FARP1: variants seen among roughly 807,000 people sequenced by gnomAD.
FARP1 encodes FERM, ARHGEF and pleckstrin domain-containing protein 1.
FARP1 carries 52 observed loss-of-function variants against 128.8 expected under a neutral mutation model. The observed-to-expected ratio is 0.40, with a 90% CI of 0.32 to 0.51. The LOEUF (loss-of-function observed/expected upper bound fraction) is 0.51. Among genes scored for constraint, FARP1 ranks in the 20% least tolerant of loss-of-function variants. The pLI is 0.45. For synonymous variants in FARP1, 580 were observed against 551.8 expected (o/e 1.05, Z -0.72); for missense variants, 1,333 against 1,367.9 (o/e 0.97, Z 0.40).
rs78803489 is a variant in FARP1, at chr13:98,154,380, A to G, written c.-24+10888A>G. ...TAGTGGTATCTCATCATGGTTATAT[A>G]TTTTTTTAACCAAAAAAATATAGAG... On this transcript the variant is annotated intron_variant, in intron 1 of 26. Coordinates refer to ENST00000319562, the MANE Select transcript of FARP1 (RefSeq NM_005766.4). 3.3e-4 allele frequency among the ~76,000 whole-genome samples: 50 copies of G among 152,238 alleles called. No homozygotes were observed. In the East Asian group the frequency reaches 8.3e-3, roughly 25 times the overall value.
intron 16 of FARP1, among the ~76,000 whole-genome samples, chr13:98,412,937 G>A (rs1295774099): frequency 6.6e-6 from 1 of 152,232 alleles, no homozygotes. Flanking sequence ...CACTACCAGT[G>A]AGAATTTGGT....
At chr13:98,184,776 C>T (rs1199607166) in intron 1 of FARP1, among the ~76,000 whole-genome samples, 3 of 152,098 alleles carry the variant, frequency 2.0e-5, no homozygotes, top group Admixed American at 6.6e-5. Context: ...TTTCTAGTAC[C>T]GTGTCTACTC....
chr13:98,162,294 G>A (rs1188837853), intron 1 of FARP1, among the ~76,000 whole-genome samples: 1 of 152,222 alleles, frequency 6.6e-6, no homozygotes, highest in Non-Finnish European at 1.5e-5. Flanking sequence ...CAAGTGTGGA[G>A]TTTCTAAGTG....
intron 2 of FARP1, among the ~76,000 whole-genome samples, chr13:98,253,031 T>C (rs936444400): frequency 6.6e-6 from 1 of 152,198 alleles, no homozygotes; most frequent in African/African-American, 2.4e-5. Flanking sequence ...ATTCCAAAGG[T>C]TGGAGAGAAC....
At chr13:98,162,259 T>C (rs1376516056) in intron 1 of FARP1, among the ~76,000 whole-genome samples, 1 of 152,192 alleles carries the variant, frequency 6.6e-6, no homozygotes, top group Non-Finnish European at 1.5e-5. Context: ...AATCAGTTAA[T>C]ACTCCTGTGT....
At chr13:98,355,574 T>C (rs752758760) in intron 3 of FARP1, among the ~76,000 whole-genome samples, 2 of 152,170 alleles carry the variant, frequency 1.3e-5, no homozygotes, top group African/African-American at 2.4e-5. Flanking sequence ...CCCAGTGGTG[T>C]ACGTTTCAAC....
chr13:98,276,816 C>T (rs1276737380), intron 2 of FARP1, among the ~76,000 whole-genome samples: 1 of 152,156 alleles, frequency 6.6e-6, no homozygotes, highest in African/African-American at 2.4e-5. Flanking sequence ...ACAGGCAATG[C>T]GAGGAGTCCT....
chr13:98,179,382 A>G (rs1335112055), intron 1 of FARP1, among the ~76,000 whole-genome samples: 3 of 152,206 alleles, frequency 2.0e-5, no homozygotes, highest in African/African-American at 7.2e-5. Flanking sequence ...GGGAGCTACC[A>G]TTCAAGATTT....
chr13:98,226,282 A>G (rs1881760655), intron 2 of FARP1, among the ~76,000 whole-genome samples: 1 of 152,086 alleles, frequency 6.6e-6, no homozygotes, highest in South Asian at 2.1e-4. Context: ...TTATAGATAC[A>G]TTGCCTCTGT....
At chr13:98,264,825 A>G (rs1241140309) in intron 2 of FARP1, among the ~76,000 whole-genome samples, 1 of 152,148 alleles carries the variant, frequency 6.6e-6, no homozygotes, top group Non-Finnish European at 1.5e-5. Context: ...CTAATATCGA[A>G]TAGAATTACT....
Position 98,395,462 on chromosome 13 carries a change from C to T in FARP1, c.1400C>T (p.Pro467Leu), listed in dbSNP as rs1266455190. The change falls in exon 13 of 27, where the codon CCG (proline) becomes CTG (leucine). Residue 467 changes from proline (P) to leucine (L), a missense_variant. Physicochemically the swap from Pro to Leu is moderately conservative, Grantham distance 98 (BLOSUM62 -3). Around this residue, in one of 2 missense-constraint regions of FARP1, gnomAD observed 1,009 missense variants for 969.8 expected, o/e 1.04. Transcript: ENST00000319562. ...DRTQQSKPQP[P>L]QPSTGSLTGS... is the part of the protein sequence containing the mutation. ...ACCCAGCAGAGTAAACCTCAGCCCC[C>T]GCAGCCAAGCACAGGTCCAGCATCC... 4.4e-6 allele frequency: 7 copies of T among 1,588,410 alleles called. No homozygotes were observed. The highest frequency in any genetic ancestry group is 1.3e-5 in the African/African-American group (1 of 74,516).
chr13:98,334,538 C>T (rs1195812088), intron 2 of FARP1, among the ~76,000 whole-genome samples: 5 of 152,170 alleles, frequency 3.3e-5, no homozygotes, highest in Non-Finnish European at 7.3e-5. Flanking sequence ...TGAATTCTCA[C>T]ATTAGTCTTA....
intron 2 of FARP1, among the ~76,000 whole-genome samples, chr13:98,317,742 G>A (rs2139773553): frequency 6.6e-6 from 1 of 152,320 alleles, no homozygotes; most frequent in East Asian, 1.9e-4. Flanking sequence ...AGTTCTGGAG[G>A]CTGGAAGTCC....
intron 2 of FARP1, among the ~76,000 whole-genome samples, chr13:98,308,037 T>C (rs1214200766): frequency 0.14 from 663 of 4,588 alleles, 22 homozygotes; most frequent in Middle Eastern, 0.25. Flanking sequence ...CTCTCTCTTT[T>C]TTTTTTTTTT....
At chr13:98,156,229 G>A (rs751042193) in intron 1 of FARP1, among the ~76,000 whole-genome samples, 1 of 152,124 alleles carries the variant, frequency 6.6e-6, no homozygotes, top group African/African-American at 2.4e-5. Context: ...GACAGATAAC[G>A]TATAAAAACA....
chr13:98,343,987 A>G, intron 3 of FARP1, 121 bp downstream of exon 3: 4 of 714,754 alleles, frequency 5.6e-6, no homozygotes, highest in Non-Finnish European at 9.8e-6. Flanking sequence ...TTTGTCTGTG[A>G]AGTCTTCAAA....
At chr13:98,164,070 T>C (rs747741531) in intron 1 of FARP1, among the ~76,000 whole-genome samples, 2 of 151,404 alleles carry the variant, frequency 1.3e-5, no homozygotes, top group Non-Finnish European at 2.9e-5. Flanking sequence ...AATTGCTGGA[T>C]TGCTTGACTG....
Position 98,412,012 on chromosome 13 carries a change from A to G in FARP1, c.1804A>G (p.Ile602Val). 1 of 1,614,186 alleles carries G rather than the reference A, an allele frequency of 6.2e-7. No homozygotes were observed. Among genetic ancestry groups the G allele is most frequent in the Non-Finnish European group, 8.5e-7 (1 of 1,180,006 alleles). Residue 602 changes from isoleucine (I) to valine (V), a missense_variant, in exon 16 of 27, where the codon ATT (isoleucine) becomes GTT (valine). Around this residue, in one of 2 missense-constraint regions of FARP1, gnomAD observed 1,009 missense variants for 969.8 expected, o/e 1.04. Coordinates refer to ENST00000319562, the MANE Select transcript of FARP1 (RefSeq NM_005766.4). ...HKFHTNFLKE[I>V]EQRLALWEGR... ...ATTTCATACTAATTTTCTCAAGGAA[A>G]TTGAGCAACGACTTGCCCTGTGGTG...
rs749696035 is a variant in FARP1, at chr13:98,431,084, G to A, written c.1947G>A (p.Glu649=). The A allele has an allele frequency of 6.2e-7, 1 of 1,614,050 alleles. No homozygotes were observed. Among genetic ancestry groups the A allele is most frequent in the Admixed American group, 1.7e-5 (1 of 59,996 alleles). ...AHLWKHSEAL[E]ALENGIKSSR... is the part of the protein sequence containing the mutation. ...TGTGGAAGCACAGCGAGGCCTTGGA[G>A]GCCCTGGAGAATGGAATCAAGAGCT... Residue 649 remains glutamate (E), a synonymous_variant, in exon 18 of 27, where the codon GAG becomes GAA. Coordinates refer to ENST00000319562, the MANE Select transcript of FARP1 (RefSeq NM_005766.4).
Sources: gnomAD v4.1 joint callset for allele counts (sites outside exome capture counted in the v4.1 genomes callset) on GRCh38, gnomAD v4.1.1 for gene constraint, gnomAD v4.1.1 regional missense constraint, MANE v1.5 for transcripts, NCBI Gene and HGNC (gene_info 2026-07-23, HGNC 2026-07-21) for gene names.